XRN1: variants seen among roughly 807,000 people sequenced by gnomAD.
XRN1 encodes the protein 5'-3' exoribonuclease 1, also known as strand-exchange protein 1 homolog.
XRN1 carries 67 observed loss-of-function variants against 222.3 expected under a neutral mutation model. The observed-to-expected ratio is 0.30, with a 90% CI of 0.25 to 0.37. The LOEUF (loss-of-function observed/expected upper bound fraction) is 0.37. XRN1 is among the 10% of genes least tolerant of loss of function. XRN1 has a pLI of 1.00. For synonymous variants in XRN1, 643 were observed against 652.4 expected, an observed-to-expected ratio of 0.99 and a Z score of 0.22; for missense variants, 1,707 against 2,000.2, an observed-to-expected ratio of 0.85 and a Z score of 2.80.
At position 142,357,054 on chromosome 3, in the gene XRN1, C is replaced by G. The variant is rs145647005; in HGVS notation, c.3530G>C (p.Arg1177Pro). 2 of 1,613,756 alleles carry G rather than the reference C, an allele frequency of 1.2e-6. No homozygotes were observed. Among genetic ancestry groups the G allele is most frequent in the Non-Finnish European group, 1.7e-6 (2 of 1,179,914 alleles). Residue 1177 changes from arginine to proline, a missense_variant, in exon 31 of 41, where the codon CGC becomes CCC. Arg to Pro is a moderately radical substitution (Grantham distance 103, BLOSUM62 -2). Around this residue, in one of 2 missense-constraint regions of XRN1, gnomAD observed 1,234 missense variants for 1,518.2 expected, o/e 0.81. Transcript: ENST00000392981. Reference sequence around the variant, plus strand: ...CAACTTCTGATTTCCAGTTTCAGAGCGACTCCCATGAGAAAGGTTCACCAA... The same window carrying G: ...CAACTTCTGATTTCCAGTTTCAGAGGGACTCCCATGAGAAAGGTTCACCAA... ...SALVNLSHGS[R>P]SETGNQKLTA...
At chr3:142,408,960 C>G (rs1290689065) in intron 15 of XRN1, among the ~76,000 whole-genome samples, 1 of 152,122 alleles carries the variant, frequency 6.6e-6, no homozygotes, top group African/African-American at 2.4e-5. Context: ...TGATGTTGAG[C>G]ACTTTTCCAT....
chr3:142,365,349 CTTA>C lies in XRN1; in HGVS notation c.3219_3221del (p.Asn1073del), dbSNP rs1245955794. ...GGGGTTTCACTGTTACTCGCACCTTCTTATTATTCTTTCTTTGCTGAGGAAAAA... is the reference window on the plus strand; with the variant it reads ...GGGGTTTCACTGTTACTCGCACCTTCTTATTCTTTCTTTGCTGAGGAAAAA... On this transcript the variant is annotated inframe_deletion, in exon 28 of 41. Transcript: ENST00000392981. 2 of 1,567,086 alleles carry C rather than the reference CTTA, an allele frequency of 1.3e-6. No individual in the cohort carries two copies. The highest frequency in any genetic ancestry group is 1.7e-6 in the Non-Finnish European group (2 of 1,156,364).
Position 142,365,044 on chromosome 3 carries a change from T to C in XRN1, c.3394+3A>G. 1 of 1,612,114 alleles carries C rather than the reference T, an allele frequency of 6.2e-7. No individual in the cohort carries two copies. ...GAAGACATTTCAAGTATTAGGATAT[T>C]ACCTCCTTTTATTCCTATGATGGTG... On this transcript the variant is annotated splice_donor_region_variant and intron_variant, in intron 29 of 40. Transcript: ENST00000392981.
At chr3:142,387,085 T>A (rs983065563) in intron 20 of XRN1, among the ~76,000 whole-genome samples, 2 of 152,148 alleles carry the variant, frequency 1.3e-5, no homozygotes, top group East Asian at 1.9e-4. Context: ...CCATCCACTG[T>A]AGAATGGAAA....
chr3:142,403,829 T>C, intron 17 of XRN1, 40 bp downstream of exon 17: 1 of 1,611,518 alleles, frequency 6.2e-7, no homozygotes, highest in Non-Finnish European at 8.5e-7. Flanking sequence ...CACTTCACAC[T>C]TAATAAAGTG....
At chr3:142,435,381 G>A (rs1468620721) in intron 1 of XRN1, 2 of 148,706 alleles carry the variant, frequency 1.3e-5, no homozygotes, top group African/African-American at 2.5e-5. Context: ...CTGGGCAACT[G>A]AGCAAGACTC....
intron 25 of XRN1, among the ~76,000 whole-genome samples, chr3:142,373,350 G>A (rs115643498): frequency 0.12 from 18,500 of 151,304 alleles, 1,119 homozygotes; most frequent in Non-Finnish European, 0.13. Context: ...AAAACTAAAA[G>A]GATCAGTCCA....
At chr3:142,366,127 T>C (rs1351428736) in intron 27 of XRN1, among the ~76,000 whole-genome samples, 1 of 152,208 alleles carries the variant, frequency 6.6e-6, no homozygotes, top group Non-Finnish European at 1.5e-5. Flanking sequence ...ATCTGTAAGA[T>C]GGACATATTA....
At chr3:142,338,846 G>A (rs1006085831) in intron 33 of XRN1, among the ~76,000 whole-genome samples, 13 of 152,202 alleles carry the variant, frequency 8.5e-5, no homozygotes, top group South Asian at 2.1e-4. Flanking sequence ...TGACGGCCAC[G>A]GGGAAATACT....
At chr3:142,400,583 C>T (rs1333718071) in intron 18 of XRN1, 36 bp from the exon 19 acceptor site, 1 of 1,562,344 alleles carries the variant, frequency 6.4e-7, no homozygotes, top group South Asian at 1.2e-5. Context: ...TTCATGATTT[C>T]AGGTCTAAGA....
chr3:142,312,804 T>A (rs1444302839), intron 39 of XRN1, 46 bp from the exon 40 acceptor site: 3 of 1,551,324 alleles, frequency 1.9e-6, no homozygotes, highest in South Asian at 1.2e-5. Context: ...AATGGTATCA[T>A]CAAAGCTCTG....
intron 36 of XRN1, among the ~76,000 whole-genome samples, chr3:142,330,732 A>C (rs2065672409): frequency 6.6e-6 from 1 of 152,018 alleles, no homozygotes; most frequent in East Asian, 1.9e-4. Flanking sequence ...ATAAATAATC[A>C]GGTTCCTAAT....
At chr3:142,323,688 G>A (rs922210001) in intron 37 of XRN1, among the ~76,000 whole-genome samples, 2 of 152,090 alleles carry the variant, frequency 1.3e-5, no homozygotes, top group African/African-American at 4.8e-5. Flanking sequence ...TTTTTAAAAT[G>A]TAGAGCAGGA....
At position 142,412,555 on chromosome 3, in the gene XRN1, A is replaced by C; in HGVS notation, c.1702T>G (p.Phe568Val). The change falls in exon 15 of 41, where the codon TTT (phenylalanine) becomes GTT (valine). Residue 568 changes from phenylalanine to valine, a missense_variant. Around this residue, in one of 2 missense-constraint regions of XRN1, gnomAD observed 1,234 missense variants for 1,518.2 expected, o/e 0.81. Coordinates refer to ENST00000392981, the MANE Select transcript of XRN1 (RefSeq NM_001282857.2). The part of the protein sequence containing the change: ...QEWEAVVLIP[F>V]IDEKRLLEAM... ...TTTCATGCACTGACCTCATCAATAA[A>C]AGGGATTAACACCACAGCTTCCCAT... 1.9e-6 allele frequency: 3 copies of C among 1,603,308 alleles called. No individual in the cohort carries two copies. Among genetic ancestry groups the C allele is most frequent in the Non-Finnish European group, 2.6e-6 (3 of 1,172,992 alleles).
chr3:142,335,332 TG>T, intron 34 of XRN1, 115 bp downstream of exon 34: 1 of 930,168 alleles, frequency 1.1e-6, no homozygotes, highest in Non-Finnish European at 1.7e-6. Context: ...AGTGACCCTC[TG>T]GCCACACACC....
chr3:142,409,942 T>A (rs1159010047), intron 15 of XRN1, among the ~76,000 whole-genome samples: 2 of 152,210 alleles, frequency 1.3e-5, no homozygotes, highest in Non-Finnish European at 2.9e-5. Flanking sequence ...TATTTTCAAA[T>A]GGTTTGTTGC....
Position 142,425,351 on chromosome 3 carries a change from A to T in XRN1, c.517-19T>A, listed in dbSNP as rs1347355897. On this transcript the variant is annotated intron_variant, in intron 4 of 40. Transcript: ENST00000392981. Reference sequence around the variant, plus strand: ...CAGGAGTCTAAATAAAATTGTTTTTAAAAATGCAGTAATATGGTATATGCT... The same window carrying T: ...CAGGAGTCTAAATAAAATTGTTTTTTAAAATGCAGTAATATGGTATATGCT... 6.3e-7 allele frequency: 1 copy of T among 1,587,186 alleles called. No individual in the cohort carries two copies. The highest frequency in any genetic ancestry group is 8.6e-7 in the Non-Finnish European group (1 of 1,166,802).
chr3:142,374,445 C>G (rs886574538), intron 25 of XRN1, among the ~76,000 whole-genome samples: 1 of 152,070 alleles, frequency 6.6e-6, no homozygotes, highest in Non-Finnish European at 1.5e-5. Context: ...ATGAAAAAAA[C>G]AGCAAACAAA....
chr3:142,400,273 C>T (rs1165893312), intron 19 of XRN1, among the ~76,000 whole-genome samples, 171 bp downstream of exon 19: 1 of 152,160 alleles, frequency 6.6e-6, no homozygotes, highest in African/African-American at 2.4e-5. Flanking sequence ...GTACAATAAA[C>T]TGTCAATAGT....
Sources: gnomAD v4.1 joint callset for allele counts (sites outside exome capture counted in the v4.1 genomes callset) on GRCh38, gnomAD v4.1.1 for gene constraint, gnomAD v4.1.1 regional missense constraint, MANE v1.5 for transcripts, NCBI Gene and HGNC (gene_info 2026-07-23, HGNC 2026-07-21) for gene names.